The following ADGRL3 variants were observed in gnomAD, a reference collection of about 807,000 sequenced individuals.
ADGRL3 encodes adhesion G protein-coupled receptor L3, also known as calcium-independent alpha-latrotoxin receptor 3.
ADGRL3 carries 62 observed loss-of-function variants against 153.5 expected under a neutral mutation model. The observed-to-expected ratio is 0.40, with a 90% CI of 0.33 to 0.50. The LOEUF (loss-of-function observed/expected upper bound fraction) is 0.50, where lower values mean the gene tolerates loss of function less well. ADGRL3 is among the 20% of genes least tolerant of loss of function. The pLI is 0.47. For missense variants in ADGRL3, 1,641 were observed against 1,859.4 expected (o/e 0.88, Z 2.16); for synonymous variants, 710 against 672.5 (o/e 1.06, Z -0.86).
intron 1 of ADGRL3, among the ~76,000 whole-genome samples, chr4:61,361,758 A>G (rs1463933702): frequency 6.6e-6 from 1 of 152,160 alleles, no homozygotes; most frequent in Non-Finnish European, 1.5e-5. Flanking sequence ...GGAGATGGTG[A>G]AGACTATGAA....
At chr4:62,051,189 T>C (rs1229647361) in intron 25 of ADGRL3, among the ~76,000 whole-genome samples, 9 of 128,298 alleles carry the variant, frequency 7.0e-5, no homozygotes, top group East Asian at 7.0e-4. Context: ...TATATATATA[T>C]ACATACATAC....
chr4:61,501,729 A>C (rs2098389003), intron 3 of ADGRL3, among the ~76,000 whole-genome samples: 1 of 152,182 alleles, frequency 6.6e-6, no homozygotes, highest in Non-Finnish European at 1.5e-5. Flanking sequence ...TAAAGAATTA[A>C]TTCTGATAAT....
chr4:61,510,541 G>A (rs913334210), intron 3 of ADGRL3, among the ~76,000 whole-genome samples: 1 of 152,000 alleles, frequency 6.6e-6, no homozygotes, highest in African/African-American at 2.4e-5. Flanking sequence ...CATATTTTTT[G>A]TTGACCTTGT....
At chr4:61,739,456 G>A (rs371186485) in intron 8 of ADGRL3, among the ~76,000 whole-genome samples, 4 of 152,028 alleles carry the variant, frequency 2.6e-5, no homozygotes, top group Admixed American at 2.6e-4. Context: ...CTCCCAAAGT[G>A]CTGGGATTTC....
chr4:61,659,734 T>C (rs1219240429), intron 5 of ADGRL3, among the ~76,000 whole-genome samples: 1 of 152,068 alleles, frequency 6.6e-6, no homozygotes, highest in Non-Finnish European at 1.5e-5. Context: ...CTATAAAATA[T>C]AAATGAAAGA....
intron 8 of ADGRL3, among the ~76,000 whole-genome samples, chr4:61,748,434 G>C (rs988431260): frequency 3.3e-5 from 5 of 150,914 alleles, no homozygotes; most frequent in African/African-American, 1.2e-4. Flanking sequence ...AAAGCTGGAG[G>C]CATCACGCTA....
chr4:61,806,457 G>A (rs1303582979), intron 8 of ADGRL3, among the ~76,000 whole-genome samples: 3 of 151,508 alleles, frequency 2.0e-5, no homozygotes, highest in South Asian at 2.1e-4. Flanking sequence ...AATATAAATA[G>A]CAAGTATTTG....
intron 5 of ADGRL3, among the ~76,000 whole-genome samples, chr4:61,619,404 G>C (rs1009013914): frequency 6.6e-6 from 1 of 152,022 alleles, no homozygotes; most frequent in African/African-American, 2.4e-5. Flanking sequence ...TTCTTTGGAA[G>C]GAGATATTGA....
intron 2 of ADGRL3, among the ~76,000 whole-genome samples, chr4:61,404,146 A>G (rs1187919951): frequency 2.0e-5 from 3 of 152,088 alleles, no homozygotes. Flanking sequence ...TTTACAGTCC[A>G]TTGGCAGAGA....
chr4:61,458,191 G>A (rs1326374743), intron 2 of ADGRL3, among the ~76,000 whole-genome samples: 1 of 151,132 alleles, frequency 6.6e-6, no homozygotes, highest in Non-Finnish European at 1.5e-5. Flanking sequence ...TATTTCTTAG[G>A]AAGTAGGAAT....
At chr4:61,497,017 A>T (rs370605109) in intron 2 of ADGRL3, 104 bp from the exon 3 acceptor site, 10 of 354,366 alleles carry the variant, frequency 2.8e-5, no homozygotes, top group African/African-American at 1.7e-4. Context: ...TTAAGATCTG[A>T]GGCCAGGATA....
chr4:61,275,011 G>A (rs899227403), intron 1 of ADGRL3, among the ~76,000 whole-genome samples: 1 of 152,030 alleles, frequency 6.6e-6, no homozygotes. Context: ...TGTTTACCTT[G>A]GGAAAGTCAC....
At chr4:61,573,740 A>G (rs1314123435) in intron 4 of ADGRL3, among the ~76,000 whole-genome samples, 1 of 151,996 alleles carries the variant, frequency 6.6e-6, no homozygotes, top group Non-Finnish European at 1.5e-5. Flanking sequence ...GAAATGAAAA[A>G]TACTTCTTAT....
intron 9 of ADGRL3, among the ~76,000 whole-genome samples, chr4:61,866,252 A>G (rs563679510): frequency 5.1e-4 from 77 of 152,312 alleles, no homozygotes; most frequent in Middle Eastern, 3.4e-3. Flanking sequence ...CTAAGCTTCC[A>G]TGAATCCCTT....
intron 2 of ADGRL3, among the ~76,000 whole-genome samples, chr4:61,447,306 G>A (rs1578907956): frequency 6.6e-6 from 1 of 152,094 alleles, no homozygotes; most frequent in South Asian, 2.1e-4. Flanking sequence ...TTATAATCCA[G>A]TATTGATTTT....
At position 61,868,201 on chromosome 4, in the gene ADGRL3, T is replaced by C. The variant is rs540221290; in HGVS notation, c.1481-24455T>C. ...TAGAAATATCAAAGTAATTCAGTGA[T>C]TGAGACTGAATTGAAAGTAATTCAG... On this transcript the variant is annotated intron_variant, in intron 9 of 26. Transcript: ENST00000683033. Among the ~76,000 whole-genome samples the C allele has an allele frequency of 3.9e-5, 6 of 152,306 alleles. No homozygotes were observed. In the South Asian group the frequency reaches 1.2e-3, roughly 32 times the overall value.
chr4:61,860,560 C>T (rs1004242252), intron 9 of ADGRL3, among the ~76,000 whole-genome samples: 3 of 151,920 alleles, frequency 2.0e-5, no homozygotes, highest in Non-Finnish European at 2.9e-5. Context: ...ATTCAGTGTG[C>T]CGATGCCAAT....
chr4:61,957,557 T>G (rs1018637387), intron 17 of ADGRL3, among the ~76,000 whole-genome samples: 3 of 130,542 alleles, frequency 2.3e-5, no homozygotes, highest in African/African-American at 8.1e-5. Context: ...ATGTATTTAT[T>G]TATTTATTTA....
chr4:61,709,025 G>T (rs927998881), intron 6 of ADGRL3, among the ~76,000 whole-genome samples: 8 of 151,954 alleles, frequency 5.3e-5, no homozygotes, highest in African/African-American at 1.9e-4. Context: ...GGCCAGGCTG[G>T]TCTCGACTCC....
Sources: gnomAD v4.1 joint callset for allele counts (sites outside exome capture counted in the v4.1 genomes callset) on GRCh38, gnomAD v4.1.1 for gene constraint, MANE v1.5 for transcripts, NCBI Gene and HGNC (gene_info 2026-07-23, HGNC 2026-07-21) for gene names.